Variants in GCN1 observed in about 807,000 individuals in gnomAD.
GCN1 encodes the protein GCN1 activator of EIF2AK4, also known as stalled ribosome sensor GCN1.
GCN1 carries 90 observed loss-of-function variants against 288.4 expected under a neutral mutation model. That is an observed-to-expected ratio of 0.31 (90% CI 0.26 to 0.37). The LOEUF (loss-of-function observed/expected upper bound fraction) is 0.37. GCN1 is among the 10% of genes least tolerant of loss of function. The pLI is 1.00. For missense variants in GCN1, 2,586 were observed against 3,419.9 expected (o/e 0.76, Z 6.08); for synonymous variants, 1,386 against 1,420.2 (o/e 0.98, Z 0.54).
chr12:120,163,010 C>A, intron 19 of GCN1, 39 bp from the exon 20 acceptor site: 5 of 1,613,710 alleles, frequency 3.1e-6, no homozygotes, highest in Non-Finnish European at 4.2e-6. Flanking sequence ...TTCTGCCTGG[C>A]CTGCTCTTAC....
chr12:120,180,692 A>C (rs1878627510), intron 5 of GCN1, among the ~76,000 whole-genome samples: 1 of 151,164 alleles, frequency 6.6e-6, no homozygotes, highest in Admixed American at 6.6e-5. Context: ...ACCCTCAGAA[A>C]ACAGATATGC....
intron 23 of GCN1, 51 bp downstream of exon 23, chr12:120,160,091 A>G (rs746782774): frequency 9.5e-6 from 15 of 1,586,090 alleles, no homozygotes; most frequent in Non-Finnish European, 1.3e-5. Context: ...AGCAGGACCA[A>G]GCTGCCCAGC....
chr12:120,177,724 T>C lies in GCN1; in HGVS notation c.689A>G (p.Asn230Ser), dbSNP rs1294264639. 3.1e-6 allele frequency: 5 copies of C among 1,613,584 alleles called. No individual in the cohort carries two copies. The South Asian group carries it at 5.5e-5, about 18-fold the overall frequency. Residue 230 changes from asparagine (N) to serine (S), a missense_variant, in exon 8 of 58, where the codon AAC (asparagine) becomes AGC (serine). Coordinates refer to ENST00000300648, the MANE Select transcript of GCN1 (RefSeq NM_006836.2). ...KSALLDFYMK[N>S]ILMSKVKPPK... ...AGGCTTGACTTTGCTCATCAGGATG[T>C]TCTTCATGTAAAAGTCCAGTAGGGC...
chr12:120,142,340 A>G lies in GCN1; in HGVS notation c.5829+167T>C, dbSNP rs1877223338. On this transcript the variant is annotated intron_variant, in intron 44 of 57. Coordinates refer to ENST00000300648, the MANE Select transcript of GCN1 (RefSeq NM_006836.2). This position sits in a 1 kb window ranked among gnomAD's most constrained non-coding sequence, Gnocchi z 4.9. Reference sequence around the variant, plus strand: ...GACTCCACCTCAAAAAAATAAATAAAATAAAATTAATCAAAAAATATTTGC... The same window carrying G: ...GACTCCACCTCAAAAAAATAAATAAGATAAAATTAATCAAAAAATATTTGC... Among the ~76,000 whole-genome samples the G allele has an allele frequency of 6.6e-6, 1 of 152,120 alleles. No homozygotes were observed. Among genetic ancestry groups the G allele is most frequent in the Admixed American group, 6.5e-5 (1 of 15,268 alleles).
At chr12:120,128,082 G>A in intron 57 of GCN1, 108 bp from the exon 58 acceptor site, 1 of 1,189,388 alleles carries the variant, frequency 8.4e-7, no homozygotes, top group Non-Finnish European at 1.2e-6. Context: ...TAGAGACACT[G>A]AGGTGGACTC....
At position 120,150,085 on chromosome 12, in the gene GCN1, C is replaced by T. The variant is rs774899352; in HGVS notation, c.4310-42G>A. On this transcript the variant is annotated intron_variant, in intron 34 of 57. Coordinates refer to ENST00000300648, the MANE Select transcript of GCN1 (RefSeq NM_006836.2). ...TGGGACGGCTGGGAAGAGAATGTCC[C>T]CTGGGGGTAGCCACAGAGAACAGAA... is the stretch of plus-strand genomic sequence containing the variant. 3.7e-6 allele frequency: 6 copies of T among 1,608,362 alleles called. No individual in the cohort carries two copies. In the Admixed American group the frequency reaches 1.0e-4, roughly 27 times the overall value.
chr12:120,193,506 C>T (rs966388317), intron 1 of GCN1, among the ~76,000 whole-genome samples: 1 of 152,152 alleles, frequency 6.6e-6, no homozygotes, highest in Admixed American at 6.5e-5. Flanking sequence ...GGTTTTGCCA[C>T]GTTGGTCAGA....
At chr12:120,160,604 A>G (rs928974797) in intron 22 of GCN1, among the ~76,000 whole-genome samples, 13 of 152,166 alleles carry the variant, frequency 8.5e-5, no homozygotes, top group Admixed American at 2.6e-4. Context: ...CTCCTCTCCA[A>G]CCCCTTCCTA....
In GCN1 at chr12:120,156,494, G is replaced by C; in HGVS notation, c.3279C>G (p.Ser1093=). The change falls in exon 28 of 58, where the codon TCC becomes TCG. Residue 1093 remains serine (S), a synonymous_variant. Transcript: ENST00000300648. The surrounding 1 kb of genome is among the most constrained non-coding windows in gnomAD (Gnocchi z 5.8). ...CGGTTTCCCGCACGCTGGCACACGG[G>C]GACTGCAAGGCACAGAGCAGCACGT... is the stretch of plus-strand genomic sequence containing the variant. ...EVDVLLCALQ[S]PCASVRETVL... is the part of the protein sequence containing the mutation. 3 of 1,614,008 alleles carry C rather than the reference G, an allele frequency of 1.9e-6. No homozygotes were observed. Among genetic ancestry groups the C allele is most frequent in the South Asian group, 1.1e-5 (1 of 91,076 alleles).
At chr12:120,176,931 T>G (rs777209121) in intron 9 of GCN1, among the ~76,000 whole-genome samples, 5 of 152,136 alleles carry the variant, frequency 3.3e-5, no homozygotes, top group African/African-American at 1.2e-4. Flanking sequence ...CACGCCTAAT[T>G]TTTTTCGTAT....
intron 10 of GCN1, 120 bp downstream of exon 10, chr12:120,176,023 G>T: frequency 1.6e-6 from 2 of 1,283,518 alleles, no homozygotes; most frequent in South Asian, 1.2e-5. Context: ...TGCCAATGTA[G>T]TTTAGGTTAG....
In GCN1 at chr12:120,137,424, C is replaced by T. The variant is rs1051188615; in HGVS notation, c.6664-105G>A. 1.4e-5 allele frequency: 19 copies of T among 1,402,570 alleles called. No individual in the cohort carries two copies. Among genetic ancestry groups the T allele is most frequent in the South Asian group, 1.1e-4 (9 of 85,346 alleles). 86.9% of individuals were successfully genotyped at this position (1,402,570 alleles called of 1,614,324 possible). ...GCGGGAGTATAAACAAGACTTGCCA[C>T]GAGTGGGTAAACGCCGAAGCTGAGT... is the stretch of plus-strand genomic sequence containing the variant. On this transcript the variant is annotated intron_variant, in intron 49 of 57. Coordinates refer to ENST00000300648, the MANE Select transcript of GCN1 (RefSeq NM_006836.2). The surrounding 1 kb of genome is among the most constrained non-coding windows in gnomAD (Gnocchi z 5.2).
chr12:120,179,168 A>G (rs1303026205), intron 5 of GCN1, among the ~76,000 whole-genome samples: 1 of 152,084 alleles, frequency 6.6e-6, no homozygotes, highest in African/African-American at 2.4e-5. Flanking sequence ...CGTTTAATAA[A>G]TATTTGGTGA....
rs201407740 is a variant in GCN1 at position 120,155,370 on chromosome 12, G to A, written c.3501C>T (p.Asp1167=). 287 of 1,614,012 alleles carry A rather than the reference G, an allele frequency of 1.8e-4. No individual in the cohort carries two copies. Among genetic ancestry groups the A allele is most frequent in the Non-Finnish European group, 2.2e-4 (263 of 1,180,010 alleles). ...TTACAGCCGCCTCATGATAGATCAC[G>A]TCGTCAATCAGCAAGGAGCAGAGGT... ...QPDLCSLLID[D]VIYHEAAVRQ... is the part of the protein sequence containing the mutation. Residue 1167 remains aspartate, a synonymous_variant, in exon 30 of 58, where the codon GAC becomes GAT. Transcript: ENST00000300648. This position sits in a 1 kb window ranked among gnomAD's most constrained non-coding sequence, Gnocchi z 4.9.
At chr12:120,154,135 G>C (rs1038051940) in intron 31 of GCN1, among the ~76,000 whole-genome samples, 5 of 152,220 alleles carry the variant, frequency 3.3e-5, no homozygotes, top group African/African-American at 1.2e-4. Context: ...CTCCTACTGG[G>C]TGACCAGCCC....
chr12:120,128,837 CTTTTTTTTTT>C (rs35329199), intron 57 of GCN1, among the ~76,000 whole-genome samples: 1 of 98,414 alleles, frequency 1.0e-5, no homozygotes, highest in Middle Eastern at 8.1e-3. Context: ...TCACCCAAAT[CTTTTTTTTTT>C]TTTTTTTTTT....
At chr12:120,131,366 T>C (rs1327995270) in intron 54 of GCN1, 33 bp from the exon 55 acceptor site, 1 of 1,609,308 alleles carries the variant, frequency 6.2e-7, no homozygotes, top group African/African-American at 1.3e-5. Context: ...GATCAACCGG[T>C]ATTTTACAGC....
rs1023769992 is a variant in GCN1, at chr12:120,143,010, C to T, written c.5496-69G>A. On this transcript the variant is annotated intron_variant, in intron 42 of 57. Coordinates refer to ENST00000300648, the MANE Select transcript of GCN1 (RefSeq NM_006836.2). The stretch of plus-strand genomic sequence containing the variant: ...GGGCTCGGCACAACTGAGCACTGCA[C>T]AGAAGATGGAAAGAAGTGCACCCAA... 5.6e-6 allele frequency: 5 copies of T among 889,626 alleles called. No homozygotes were observed. The African/African-American group carries it at 8.2e-5, about 15-fold the overall frequency. The allele number at this position is 889,626 out of a possible 1,614,324, so 55.1% of individuals were successfully genotyped here. A position where few individuals can be genotyped will look rare whatever the true frequency, so the allele number is the denominator to read the frequency against.
At position 120,170,546 on chromosome 12, in the gene GCN1, C is replaced by G. The variant is rs138081977; in HGVS notation, c.1367-225G>C. Among the ~76,000 whole-genome samples, 897 of 152,218 alleles carry G rather than the reference C, an allele frequency of 5.9e-3. 14 individuals carry two copies. The highest frequency in any genetic ancestry group is 0.021 in the African/African-American group (863 of 41,530). ...CCTTATGGCCAGGTGCGGTAGCTCA[C>G]GTCTGTAATCCCAGCACTTTGGGAG... On this transcript the variant is annotated intron_variant, in intron 14 of 57. Transcript: ENST00000300648.
Sources: allele counts gnomAD v4.1 joint callset (sites outside exome capture counted in the v4.1 genomes callset), GRCh38; gene constraint gnomAD v4.1.1; non-coding constraint Gnocchi (gnomAD v3.1); transcripts MANE v1.5; gene names NCBI Gene and HGNC (gene_info 2026-07-23, HGNC 2026-07-21).